JAZF1: variants seen among roughly 807,000 people sequenced by gnomAD.
The protein encoded by JAZF1 is JAZF zinc finger 1.
JAZF1 carries 8 observed loss-of-function variants against 26.4 expected under a neutral mutation model. That is an observed-to-expected ratio of 0.30 (90% CI 0.18 to 0.55). JAZF1 has a LOEUF of 0.55. JAZF1 is among the 20% of genes least tolerant of loss of function. The pLI is 0.94. For synonymous variants in JAZF1, 126 were observed against 122.3 expected (o/e 1.03, Z -0.20); for missense variants, 199 against 322.0 (o/e 0.62, Z 2.92).
intron 2 of JAZF1, among the ~76,000 whole-genome samples, chr7:27,948,924 C>T (rs925202552): frequency 6.6e-5 from 10 of 152,160 alleles, no homozygotes; most frequent in Non-Finnish European, 1.5e-4. Flanking sequence ...TTTCTACCTG[C>T]CCTTAGAAGA....
chr7:27,944,078 C>T (rs1784891643), intron 2 of JAZF1, among the ~76,000 whole-genome samples: 1 of 152,032 alleles, frequency 6.6e-6, no homozygotes, highest in Admixed American at 6.5e-5. Flanking sequence ...AACATATCCT[C>T]TACAGATGGG....
At chr7:28,094,249 T>A (rs1784346647) in intron 1 of JAZF1, among the ~76,000 whole-genome samples, 1 of 152,192 alleles carries the variant, frequency 6.6e-6, no homozygotes, top group African/African-American at 2.4e-5. Flanking sequence ...TAAATCGTTG[T>A]CTGCCTCCCC....
At chr7:27,996,366 C>A (rs916619642) in intron 1 of JAZF1, among the ~76,000 whole-genome samples, 1 of 152,150 alleles carries the variant, frequency 6.6e-6, no homozygotes. Flanking sequence ...TGTTCAAATT[C>A]GATATCCTCC....
At chr7:27,833,097 T>A (rs1782739765) in intron 4 of JAZF1, 121 bp from the exon 5 acceptor site, 1 of 685,668 alleles carries the variant, frequency 1.5e-6, no homozygotes, top group Admixed American at 3.4e-5. Context: ...TGTAGTCTTT[T>A]GCAAGGACTC....
intron 3 of JAZF1, among the ~76,000 whole-genome samples, chr7:27,860,785 A>G (rs1783366131): frequency 6.6e-6 from 1 of 152,164 alleles, no homozygotes; most frequent in South Asian, 2.1e-4. Context: ...CCTGACCCTC[A>G]GATGGACTGT....
intron 1 of JAZF1, among the ~76,000 whole-genome samples, chr7:28,009,002 A>G (rs1045529780): frequency 5.9e-5 from 9 of 152,212 alleles, no homozygotes; most frequent in Admixed American, 5.9e-4. Flanking sequence ...AGTAAAACAG[A>G]CATTATCAAG....
chr7:28,093,700 G>C (rs1784338263), intron 1 of JAZF1, among the ~76,000 whole-genome samples: 1 of 152,180 alleles, frequency 6.6e-6, no homozygotes, highest in Admixed American at 6.5e-5. Flanking sequence ...GCCCATTCAG[G>C]GGGAAATGAA....
chr7:27,878,664 C>T (rs1783720969), intron 3 of JAZF1, among the ~76,000 whole-genome samples: 1 of 152,146 alleles, frequency 6.6e-6, no homozygotes, highest in Admixed American at 6.6e-5. Flanking sequence ...GGCAGTAACG[C>T]ATTTTGTAAA....
chr7:27,872,058 A>T (rs1239647324), intron 3 of JAZF1, among the ~76,000 whole-genome samples: 3 of 152,224 alleles, frequency 2.0e-5, no homozygotes, highest in East Asian at 3.9e-4. Context: ...GAGCGCCCAT[A>T]GTCTCTGGAA....
At chr7:28,050,279 G>T (rs769576532) in intron 1 of JAZF1, among the ~76,000 whole-genome samples, 5 of 152,128 alleles carry the variant, frequency 3.3e-5, no homozygotes, top group Non-Finnish European at 7.4e-5. Context: ...TTATTATGTC[G>T]CAAGGCAAAT....
chr7:27,906,126 ACGAAAGAAG>A (rs1784252319), intron 2 of JAZF1, among the ~76,000 whole-genome samples: 1 of 152,216 alleles, frequency 6.6e-6, no homozygotes, highest in Non-Finnish European at 1.5e-5. Flanking sequence ...TGCTAAGCAA[ACGAAAGAAG>A]GCAAATACAA....
At chr7:27,864,374 G>T (rs1458742343) in intron 3 of JAZF1, among the ~76,000 whole-genome samples, 1 of 152,164 alleles carries the variant, frequency 6.6e-6, no homozygotes, top group Non-Finnish European at 1.5e-5. Context: ...GCACACCCTA[G>T]GAAAAATCAG....
intron 1 of JAZF1, among the ~76,000 whole-genome samples, chr7:28,148,067 T>C (rs1157040463): frequency 2.0e-5 from 2 of 99,932 alleles, no homozygotes; most frequent in Admixed American, 2.2e-4. Context: ...CTTTATCACA[T>C]GTTTCTTACT....
At position 27,929,979 on chromosome 7, in the gene JAZF1, CCTCT is replaced by C. The variant is rs367764460; in HGVS notation, c.189-34567_189-34564del. ...CTCTCTCCCCCTCTCTCCCTCCCTC[CCTCT>C]CTCTCTCTCTCTCTTTCTTTCTTTC... On this transcript the variant is annotated intron_variant, in intron 2 of 4. Coordinates refer to ENST00000283928, the MANE Select transcript of JAZF1 (RefSeq NM_175061.4). Among the ~76,000 whole-genome samples the C allele has an allele frequency of 2.8e-3, 400 of 143,656 alleles. 1 individual carries two copies. Among genetic ancestry groups the C allele is most frequent in the African/African-American group, 3.6e-3 (142 of 39,136 alleles). 94.2% of individuals were successfully genotyped at this position (143,656 alleles called of 152,430 possible). A position where few individuals can be genotyped will look rare whatever the true frequency, so the allele number is the denominator to read the frequency against.
At chr7:27,998,170 T>C (rs1447819291) in intron 1 of JAZF1, among the ~76,000 whole-genome samples, 2 of 152,100 alleles carry the variant, frequency 1.3e-5, no homozygotes, top group Non-Finnish European at 2.9e-5. Flanking sequence ...AACCTGGTAC[T>C]GGCAGGGCTA....
At chr7:28,141,276 G>C (rs1413824646) in intron 1 of JAZF1, among the ~76,000 whole-genome samples, 1 of 152,168 alleles carries the variant, frequency 6.6e-6, no homozygotes, top group Non-Finnish European at 1.5e-5. Context: ...CTGACAACCA[G>C]AACAGAAGGT....
chr7:27,999,605 T>A (rs1242513959), intron 1 of JAZF1, among the ~76,000 whole-genome samples: 6 of 152,218 alleles, frequency 3.9e-5, no homozygotes, highest in African/African-American at 1.4e-4. Flanking sequence ...ACTTTCAGCA[T>A]GCATTGTACC....
intron 1 of JAZF1, among the ~76,000 whole-genome samples, chr7:28,105,281 CTG>C (rs1378606307): frequency 6.6e-6 from 1 of 152,230 alleles, no homozygotes; most frequent in Non-Finnish European, 1.5e-5. Flanking sequence ...GAACTCTTCT[CTG>C]TAAGTTCAAA....
intron 2 of JAZF1, among the ~76,000 whole-genome samples, chr7:27,953,209 T>C (rs1261254319): frequency 1.3e-5 from 2 of 152,202 alleles, no homozygotes; most frequent in Non-Finnish European, 2.9e-5. Context: ...TCCCAGCCAA[T>C]GGGTAATTTT....
Sources: gnomAD v4.1 joint callset for allele counts (sites outside exome capture counted in the v4.1 genomes callset) on GRCh38, gnomAD v4.1.1 for gene constraint, MANE v1.5 for transcripts, NCBI Gene and HGNC (gene_info 2026-07-23, HGNC 2026-07-21) for gene names.